The following SFMBT2 variants were observed in gnomAD, a reference collection of about 807,000 sequenced individuals.
SFMBT2 encodes the protein scm-like with four MBT domains protein 2.
SFMBT2 carries 38 observed loss-of-function variants against 110.1 expected under a neutral mutation model. The ratio of observed to expected loss-of-function variants is 0.35; its 90% confidence interval spans 0.27 to 0.45. The LOEUF is 0.45. SFMBT2 is among the 20% of genes least tolerant of loss of function. The pLI is 1.00. For synonymous variants in SFMBT2, 425 were observed against 425.4 expected, an observed-to-expected ratio of 1.00 and a Z score of 0.01; for missense variants, 1,011 against 1,094.9, an observed-to-expected ratio of 0.92 and a Z score of 1.08.
chr10:7,355,033 A>G (rs1404755170), intron 4 of SFMBT2, among the ~76,000 whole-genome samples: 1 of 152,238 alleles, frequency 6.6e-6, no homozygotes, highest in Non-Finnish European at 1.5e-5. Context: ...ATTTTCACAT[A>G]ATTTATGTTC....
rs1844957692 is a variant in SFMBT2 at position 7,367,991 on chromosome 10, T to C, written c.196-102A>G. ...AAAATATGGCACTTACAAACAATAT[T>C]CCTGTTGCTCTAAAACAGGCATGTA... On this transcript the variant is annotated intron_variant, in intron 3 of 20. Transcript: ENST00000397167. This position sits in a 1 kb window ranked among gnomAD's most constrained non-coding sequence, Gnocchi z 6.2. 1 of 1,458,190 alleles carries C rather than the reference T, an allele frequency of 6.9e-7. No individual in the cohort carries two copies. Among genetic ancestry groups the C allele is most frequent in the Non-Finnish European group, 9.2e-7 (1 of 1,089,200 alleles). The allele number at this position is 1,458,190 out of a possible 1,614,324, so 90.3% of individuals were successfully genotyped here.
rs551719170 is a variant in SFMBT2, at chr10:7,368,883, G to A, written c.196-994C>T. On this transcript the variant is annotated intron_variant, in intron 3 of 20. Transcript: ENST00000397167. The stretch of plus-strand genomic sequence containing the variant: ...GGTTTTACTAAACAGCCACAATCAC[G>A]TTCATAATAAACTAGTAAATATAGC... 5.9e-5 allele frequency among the ~76,000 whole-genome samples: 9 copies of A among 152,222 alleles called. No individual in the cohort carries two copies. In the South Asian group the frequency reaches 1.5e-3, roughly 25 times the overall value.
chr10:7,198,413 G>C (rs1838843564), intron 14 of SFMBT2, among the ~76,000 whole-genome samples: 1 of 152,226 alleles, frequency 6.6e-6, no homozygotes, highest in African/African-American at 2.4e-5. Context: ...TTGCAGGTGA[G>C]TAAGAAGAGT....
intron 11 of SFMBT2, among the ~76,000 whole-genome samples, chr10:7,216,099 A>C (rs558712897): frequency 6.6e-6 from 1 of 152,328 alleles, no homozygotes; most frequent in African/African-American, 2.4e-5. Flanking sequence ...GGCTTAAGCA[A>C]CGTGCTCAAG....
At chr10:7,236,878 A>G (rs1270737009) in intron 9 of SFMBT2, among the ~76,000 whole-genome samples, 1 of 152,232 alleles carries the variant, frequency 6.6e-6, no homozygotes, top group African/African-American at 2.4e-5. Flanking sequence ...ATTGCTGAGA[A>G]AGAATTCATG....
chr10:7,233,113 T>C (rs1239697160), intron 9 of SFMBT2, among the ~76,000 whole-genome samples: 4 of 152,004 alleles, frequency 2.6e-5, no homozygotes, highest in Admixed American at 2.6e-4. Context: ...ACATATACAA[T>C]CTTAATAAAA....
At chr10:7,290,112 G>A (rs1226394656) in intron 4 of SFMBT2, among the ~76,000 whole-genome samples, 2 of 152,012 alleles carry the variant, frequency 1.3e-5, no homozygotes, top group Admixed American at 1.3e-4. Flanking sequence ...CCCAACTACG[G>A]CATCAAAGAT....
At chr10:7,287,824 G>C (rs1022429292) in intron 4 of SFMBT2, among the ~76,000 whole-genome samples, 2 of 152,146 alleles carry the variant, frequency 1.3e-5, no homozygotes, top group South Asian at 4.1e-4. Context: ...GGGCCCCAAC[G>C]GGGGATCCAC....
At chr10:7,241,402 G>A in intron 9 of SFMBT2, 1 of 872,270 alleles carries the variant, frequency 1.1e-6, no homozygotes, top group South Asian at 5.3e-5. Context: ...TATTCTACTT[G>A]ATGTGTAGTA....
intron 4 of SFMBT2, among the ~76,000 whole-genome samples, chr10:7,302,412 G>A (rs181437461): frequency 1.1e-3 from 165 of 152,298 alleles, no homozygotes; most frequent in Non-Finnish European, 1.8e-3. Context: ...GCCACAAAGA[G>A]AATAAATGTC....
At chr10:7,385,270 G>T (rs754006170) in intron 1 of SFMBT2, among the ~76,000 whole-genome samples, 7 of 152,212 alleles carry the variant, frequency 4.6e-5, no homozygotes, top group Non-Finnish European at 1.0e-4. Flanking sequence ...TGAGATGACA[G>T]GATCACGTGG....
rs1452753772 is a variant in SFMBT2 at position 7,283,928 on chromosome 10, T to A, written c.748A>T (p.Lys250Ter). 6.2e-7 allele frequency: 1 copy of A among 1,601,884 alleles called. No homozygotes were observed. Among genetic ancestry groups the A allele is most frequent in the Non-Finnish European group, 8.6e-7 (1 of 1,168,798 alleles). ...LRPVGWCQEN[K>*]YRMDPPSEIY... ...CCTGAAGGTGGGTCCATTCTGTATTTATTCTCTTGACACCAACCAACTGGT... is the reference window on the plus strand; with the variant it reads ...CCTGAAGGTGGGTCCATTCTGTATTAATTCTCTTGACACCAACCAACTGGT... The change falls in exon 6 of 21, where the codon AAA becomes TAA. Residue 250 changes from lysine to a stop codon, truncating the protein, a stop_gained. Transcript: ENST00000397167. LOFTEE classifies it high-confidence loss of function.
chr10:7,319,049 A>G (rs534612882), intron 4 of SFMBT2, among the ~76,000 whole-genome samples: 1 of 152,358 alleles, frequency 6.6e-6, no homozygotes, highest in East Asian at 1.9e-4. Context: ...ATCGCAGAAG[A>G]CAAAGTCAGA....
At chr10:7,173,224 T>C (rs921102192) in intron 17 of SFMBT2, among the ~76,000 whole-genome samples, 2 of 152,156 alleles carry the variant, frequency 1.3e-5, no homozygotes, top group African/African-American at 4.8e-5. Flanking sequence ...GAGACAAAGG[T>C]GTCCACAGTT....
chr10:7,271,927 G>A (rs575391537), intron 7 of SFMBT2, among the ~76,000 whole-genome samples: 13 of 152,198 alleles, frequency 8.5e-5, no homozygotes, highest in Admixed American at 2.6e-4. Flanking sequence ...ATTTCCCACC[G>A]GGTCCCTCCC....
intron 2 of SFMBT2, 74 bp from the exon 3 acceptor site, chr10:7,370,449 C>G: frequency 8.1e-7 from 1 of 1,237,574 alleles, no homozygotes; most frequent in Non-Finnish European, 1.2e-6. Flanking sequence ...CAACTGAGAC[C>G]AGAAAATCCT....
chr10:7,172,511 G>A lies in SFMBT2; in HGVS notation c.2135C>T (p.Thr712Ile), dbSNP rs775493484. The A allele has an allele frequency of 1.2e-6, 2 of 1,614,112 alleles. No homozygotes were observed. The change falls in exon 18 of 21, where the codon ACC (threonine) becomes ATC (isoleucine). Residue 712 changes from threonine (T) to isoleucine (I), a missense_variant. Around this residue, in one of 2 missense-constraint regions of SFMBT2, gnomAD observed 979 missense variants for 1,016.1 expected, o/e 0.96. Transcript: ENST00000397167. This position sits in a 1 kb window ranked among gnomAD's most constrained non-coding sequence, Gnocchi z 4.6. ...KKRRSSAVDFTAGSGEESEEE... is the reference protein window; with the variant it reads ...KKRRSSAVDFIAGSGEESEEE... Reference sequence around the variant, plus strand: ...AGAACATACCTCCCCCGAGCCCGCGGTGAAGTCCACGGCAGAAGACCTCCG... The same window carrying A: ...AGAACATACCTCCCCCGAGCCCGCGATGAAGTCCACGGCAGAAGACCTCCG...
chr10:7,233,488 T>C (rs1018432245), intron 9 of SFMBT2, among the ~76,000 whole-genome samples: 6 of 152,198 alleles, frequency 3.9e-5, no homozygotes, highest in Admixed American at 3.9e-4. Context: ...CTCTATTAAA[T>C]GTTAGAAGAG....
chr10:7,357,607 C>A (rs1483467685), intron 4 of SFMBT2, among the ~76,000 whole-genome samples: 2 of 152,206 alleles, frequency 1.3e-5, no homozygotes, highest in African/African-American at 2.4e-5. Context: ...CATAAAATTT[C>A]TTGCTATGTA....
Sources: gnomAD v4.1 joint callset for allele counts (sites outside exome capture counted in the v4.1 genomes callset) on GRCh38, gnomAD v4.1.1 for gene constraint, gnomAD v4.1.1 regional missense constraint, Gnocchi (gnomAD v3.1) non-coding constraint, MANE v1.5 for transcripts, NCBI Gene and HGNC (gene_info 2026-07-23, HGNC 2026-07-21) for gene names.